TBCD: variants seen among roughly 807,000 people sequenced by gnomAD.
The protein encoded by TBCD is tubulin-specific chaperone D.
A neutral mutation model predicts 169.3 loss-of-function variants in TBCD; 105 were observed. The ratio of observed to expected loss-of-function variants is 0.62; its 90% CI spans 0.53 to 0.73. The LOEUF is 0.73. Ranked by LOEUF, TBCD falls within the 30% of genes least tolerant of loss-of-function variation. The pLI is 0.00. For missense variants in TBCD, 1,444 were observed against 1,600.1 expected (o/e 0.90, Z 1.66); for synonymous variants, 700 against 643.9 (o/e 1.09, Z -1.32).
chr17:82,778,443 C>T (rs1335489780), intron 6 of TBCD, among the ~76,000 whole-genome samples: 2 of 152,080 alleles, frequency 1.3e-5, no homozygotes, highest in Non-Finnish European at 1.5e-5. Context: ...CTGGGGAGGA[C>T]ACATGAGTTT....
At position 82,863,340 on chromosome 17, in the gene TBCD, C is replaced by T. The variant is rs193200942; in HGVS notation, c.1319-6884C>T. 2.3e-3 allele frequency among the ~76,000 whole-genome samples: 348 copies of T among 152,256 alleles called. 1 individual carries two copies. The highest frequency in any genetic ancestry group is 7.4e-3 in the African/African-American group (308 of 41,530). The stretch of plus-strand genomic sequence containing the variant: ...TTTAGGTGCTGTGGCTTCGCAGACC[C>T]GGACGCAGCGTGGAGGCCAAGCGGT... On this transcript the variant is annotated intron_variant, in intron 13 of 38. Coordinates refer to ENST00000355528, the MANE Select transcript of TBCD (RefSeq NM_005993.5).
chr17:82,876,454 G>GC, intron 14 of TBCD, among the ~76,000 whole-genome samples: 1 of 152,318 alleles, frequency 6.6e-6, no homozygotes, highest in South Asian at 2.1e-4. Context: ...AAACTGAGAG[G>GC]CCCACGTGGG....
chr17:82,875,587 A>ACCTGCTGAGC (rs1174917380), intron 14 of TBCD, among the ~76,000 whole-genome samples: 1 of 152,050 alleles, frequency 6.6e-6, no homozygotes, highest in African/African-American at 2.4e-5. Context: ...CCTCGAGCAA[A>ACCTGCTGAGC]CCTGCTGAGC....
At chr17:82,776,673 G>T (rs1029349584) in intron 6 of TBCD, among the ~76,000 whole-genome samples, 3 of 152,104 alleles carry the variant, frequency 2.0e-5, no homozygotes, top group Non-Finnish European at 4.4e-5. Flanking sequence ...AGTCACGGAC[G>T]CCTGGGTTTG....
chr17:82,918,904 G>A (rs534183825), intron 23 of TBCD: 7 of 152,370 alleles, frequency 4.6e-5, no homozygotes, highest in African/African-American at 1.4e-4. Flanking sequence ...GGACAAAGGC[G>A]TGTCACTTGA....
At chr17:82,793,083 A>G (rs1002790100) in intron 7 of TBCD, among the ~76,000 whole-genome samples, 1 of 152,080 alleles carries the variant, frequency 6.6e-6, no homozygotes, top group Non-Finnish European at 1.5e-5. Context: ...TTTCATTTTG[A>G]TATTTGTTTT....
rs146565109 is a variant in TBCD at position 82,835,864 on chromosome 17, C to T, written c.1318+20930C>T. Among the ~76,000 whole-genome samples, 18 of 152,336 alleles carry T rather than the reference C, an allele frequency of 1.2e-4. No homozygotes were observed. The East Asian group carries it at 2.7e-3, about 23-fold the overall frequency. On this transcript the variant is annotated intron_variant, in intron 13 of 38. Transcript: ENST00000355528. The surrounding 1 kb of genome is among the most constrained non-coding windows in gnomAD (Gnocchi z 4.5). ...AGGGGCTCTGCTGACCTGCCACCTT[C>T]GCTGTGATGAGTTTCTGTGTAGCAG...
At position 82,924,971 on chromosome 17, in the gene TBCD, C is replaced by A; in HGVS notation, c.2293C>A (p.Arg765=). The A allele has an allele frequency of 6.4e-7, 1 of 1,573,190 alleles. No homozygotes were observed. The part of the protein sequence containing the change: ...ELITQYLAEL[R]NPEEMTRCGF... ...GATCACGCAGTACCTGGCTGAGCTTCGGAACCCCGAGGAGATGACTCGCTG... is the reference window on the plus strand; with the variant it reads ...GATCACGCAGTACCTGGCTGAGCTTAGGAACCCCGAGGAGATGACTCGCTG... The change falls in exon 27 of 39, where the codon CGG becomes AGG. Residue 765 remains arginine, a synonymous_variant. Coordinates refer to ENST00000355528, the MANE Select transcript of TBCD (RefSeq NM_005993.5).
rs1159120046 is a variant in TBCD at position 82,943,661 on chromosome 17, T to C, written c.*1198T>C. ...ACTGTGACAGTCCGTGCTGTGTGTT[T>C]AGCAGACAGCTCTTCACGGGATGTG... On this transcript the variant is annotated 3_prime_UTR_variant, in exon 39 of 39. Coordinates refer to ENST00000355528, the MANE Select transcript of TBCD (RefSeq NM_005993.5). 1 of 152,202 alleles carries C rather than the reference T, an allele frequency of 6.6e-6. No individual in the cohort carries two copies. The highest frequency in any genetic ancestry group is 1.5e-5 in the Non-Finnish European group (1 of 68,030). 9.4% of individuals were successfully genotyped at this position (152,202 alleles called of 1,614,324 possible).
intron 8 of TBCD, among the ~76,000 whole-genome samples, chr17:82,800,357 A>G (rs1026791098): frequency 1.1e-4 from 17 of 151,724 alleles, no homozygotes; most frequent in Non-Finnish European, 2.1e-4. Flanking sequence ...TATTGTCATC[A>G]CTGCATGACA....
intron 5 of TBCD, among the ~76,000 whole-genome samples, chr17:82,769,302 C>T (rs752901690): frequency 6.6e-6 from 1 of 152,238 alleles, no homozygotes; most frequent in Non-Finnish European, 1.5e-5. Context: ...AAGGGAGAAA[C>T]TCTGCTAATG....
In TBCD at chr17:82,884,104, T is replaced by C; in HGVS notation, c.1476-41T>C. 1 of 1,562,922 alleles carries C rather than the reference T, an allele frequency of 6.4e-7. No individual in the cohort carries two copies. The highest frequency in any genetic ancestry group is 2.3e-5 in the East Asian group (1 of 43,104). Reference sequence around the variant, plus strand: ...CGATACTGTGTGGTCTGTACTGTTTTGCAGAATTTCTTTTTAATTAATCCT... The same window carrying C: ...CGATACTGTGTGGTCTGTACTGTTTCGCAGAATTTCTTTTTAATTAATCCT... On this transcript the variant is annotated intron_variant, in intron 14 of 38. Coordinates refer to ENST00000355528, the MANE Select transcript of TBCD (RefSeq NM_005993.5). The surrounding 1 kb of genome is among the most constrained non-coding windows in gnomAD (Gnocchi z 4.2).
At chr17:82,934,703 C>G (rs1005043722) in intron 34 of TBCD, among the ~76,000 whole-genome samples, 1 of 152,114 alleles carries the variant, frequency 6.6e-6, no homozygotes, top group Admixed American at 6.5e-5. Flanking sequence ...AACTCCCGAC[C>G]TGAGGTGATC....
At chr17:82,907,312 G>A (rs371701737) in intron 20 of TBCD, among the ~76,000 whole-genome samples, 3 of 152,316 alleles carry the variant, frequency 2.0e-5, no homozygotes, top group East Asian at 3.9e-4. Flanking sequence ...TTTCCAAGGT[G>A]GTCACATTGG....
chr17:82,774,543 C>T (rs1020598308), intron 6 of TBCD, among the ~76,000 whole-genome samples: 6 of 152,194 alleles, frequency 3.9e-5, no homozygotes, highest in Non-Finnish European at 7.3e-5. Flanking sequence ...CATCATGGCC[C>T]GTTCTCAATG....
At chr17:82,910,018 C>T (rs968775031) in intron 22 of TBCD, among the ~76,000 whole-genome samples, 23 of 152,340 alleles carry the variant, frequency 1.5e-4, no homozygotes, top group Admixed American at 1.3e-4. Flanking sequence ...CTGTGTGTTC[C>T]GTGGTGTGCA....
chr17:82,823,521 C>T (rs932490352), intron 13 of TBCD, among the ~76,000 whole-genome samples: 9 of 152,024 alleles, frequency 5.9e-5, no homozygotes, highest in East Asian at 1.9e-4. Context: ...TGTTGCACTC[C>T]GCCCTGCTCT....
rs971634842 is a variant in TBCD at position 82,923,097 on chromosome 17, G to C, written c.2179-555G>C. On this transcript the variant is annotated intron_variant, in intron 25 of 38. Coordinates refer to ENST00000355528, the MANE Select transcript of TBCD (RefSeq NM_005993.5). This position sits in a 1 kb window ranked among gnomAD's most constrained non-coding sequence, Gnocchi z 4.6. ...CCCCCGGAGCCCTGTCTCTCTAAAT[G>C]AGGCTGACGTGGCTTGGCCTGAAGG... 6.6e-6 allele frequency among the ~76,000 whole-genome samples: 1 copy of C among 152,234 alleles called. No individual in the cohort carries two copies. The highest frequency in any genetic ancestry group is 1.5e-5 in the Non-Finnish European group (1 of 68,042).
At position 82,929,283 on chromosome 17, in the gene TBCD, G is replaced by T. The variant is rs770396428; in HGVS notation, c.2852+12G>T. On this transcript the variant is annotated intron_variant, in intron 31 of 38. Coordinates refer to ENST00000355528, the MANE Select transcript of TBCD (RefSeq NM_005993.5). ...AAGCTGTTTCCCAGGTACTGTCGGG[G>T]TGTAGGCCCCCCGTGCTGGCCCCGC... 2 of 1,612,670 alleles carry T rather than the reference G, an allele frequency of 1.2e-6. No homozygotes were observed. Among genetic ancestry groups the T allele is most frequent in the African/African-American group, 1.3e-5 (1 of 75,024 alleles).
Sources: allele counts gnomAD v4.1 joint callset (sites outside exome capture counted in the v4.1 genomes callset), GRCh38; gene constraint gnomAD v4.1.1; non-coding constraint Gnocchi (gnomAD v3.1); transcripts MANE v1.5; gene names NCBI Gene and HGNC (gene_info 2026-07-23, HGNC 2026-07-21).